CHRNA1: variants seen among roughly 807,000 people sequenced by gnomAD.
The protein encoded by CHRNA1 is cholinergic receptor nicotinic alpha 1 subunit, also known as acetylcholine receptor subunit alpha.
A neutral mutation model predicts 47.1 loss-of-function variants in CHRNA1; 35 were observed. The observed-to-expected ratio is 0.74, with a 90% CI of 0.57 to 0.99. CHRNA1 has a LOEUF of 0.99. CHRNA1 is among the 50% of genes least tolerant of loss of function. CHRNA1 has a pLI of 0.00. For missense variants in CHRNA1, 506 were observed against 591.1 expected, an observed-to-expected ratio of 0.86 and a Z score of 1.49; for synonymous variants, 229 against 223.6, an observed-to-expected ratio of 1.02 and a Z score of -0.22.
Position 174,753,721 on chromosome 2 carries a change from A to G in CHRNA1, c.560T>C (p.Leu187Pro), listed in dbSNP as rs1392950937. ...AINPESDQPDLSNFMESGEWV... is the reference protein window; with the variant it reads ...AINPESDQPDPSNFMESGEWV... Reference sequence around the variant, plus strand: ...CTCCCCGCTCTCCATGAAGTTGCTCAGGTCTGGCTGGTCGCTTTCCTGAGA... The same window carrying G: ...CTCCCCGCTCTCCATGAAGTTGCTCGGGTCTGGCTGGTCGCTTTCCTGAGA... Residue 187 changes from leucine to proline, a missense_variant, in exon 6 of 9, where the codon CTG becomes CCG. By Grantham distance (98) the Leu-to-Pro change is moderately conservative. Transcript: ENST00000348749. The G allele has an allele frequency of 6.2e-7, 1 of 1,614,054 alleles. No homozygotes were observed. Among genetic ancestry groups the G allele is most frequent in the Non-Finnish European group, 8.5e-7 (1 of 1,179,974 alleles).
At chr2:174,753,402 G>A (rs180691848) in intron 6 of CHRNA1, 101 bp downstream of exon 6, 19 of 1,161,332 alleles carry the variant, frequency 1.6e-5, no homozygotes, top group East Asian at 7.0e-5. Flanking sequence ...GGTTCGGGTC[G>A]ATCTGCCTGT....
intron 3 of CHRNA1, 81 bp from the exon 4 acceptor site, chr2:174,757,756 T>C: frequency 7.9e-7 from 1 of 1,267,486 alleles, no homozygotes; most frequent in East Asian, 2.3e-5. Flanking sequence ...CTGATGTGCA[T>C]GGGAATTCAG....
At chr2:174,756,663 C>T (rs778418286) in intron 4 of CHRNA1, among the ~76,000 whole-genome samples, 4 of 152,174 alleles carry the variant, frequency 2.6e-5, no homozygotes, top group Non-Finnish European at 4.4e-5. Context: ...CACAAATGAT[C>T]GGATAATTTG....
At chr2:174,753,813 G>A (rs1683912713) in intron 5 of CHRNA1, 73 bp from the exon 6 acceptor site, 2 of 1,392,856 alleles carry the variant, frequency 1.4e-6, no homozygotes, top group East Asian at 4.7e-5. Flanking sequence ...GTAATCAGCA[G>A]TGACAAGGCC....
chr2:174,750,321 T>C (rs1196492759), intron 6 of CHRNA1, 152 bp from the exon 7 acceptor site: 2 of 672,146 alleles, frequency 3.0e-6, no homozygotes, highest in Non-Finnish European at 2.6e-6. Context: ...TTTAAGGAGG[T>C]AATTAAATGA....
At chr2:174,758,692 C>A (rs1222087131) in intron 3 of CHRNA1, among the ~76,000 whole-genome samples, 1 of 152,224 alleles carries the variant, frequency 6.6e-6, no homozygotes, top group East Asian at 1.9e-4. Context: ...CTGGAAAGCA[C>A]AATGCTATGG....
chr2:174,748,553 G>A, intron 8 of CHRNA1, 27 bp downstream of exon 8: 1 of 1,608,106 alleles, frequency 6.2e-7, no homozygotes, highest in African/African-American at 1.3e-5. Context: ...AAACCCAGAG[G>A]CATGAATTTC....
Position 174,759,393 on chromosome 2 carries a change from G to A in CHRNA1, c.190-18C>T, listed in dbSNP as rs769989280. 73 of 1,613,764 alleles carry A rather than the reference G, an allele frequency of 4.5e-5. No homozygotes were observed. In the South Asian group the frequency reaches 7.7e-4, roughly 17 times the overall value. ...ACTTCATCCTGGAAAAAAAAATAAG[G>A]ATCATTTTTATGGGGGAGAGAGGGG... On this transcript the variant is annotated intron_variant, in intron 2 of 8. Transcript: ENST00000348749.
chr2:174,748,362 G>A, intron 8 of CHRNA1, 107 bp from the exon 9 acceptor site: 1 of 1,509,272 alleles, frequency 6.6e-7, no homozygotes, highest in Non-Finnish European at 9.1e-7. Flanking sequence ...AGATCTCAAA[G>A]TCCTCCCATC....
intron 4 of CHRNA1, 134 bp from the exon 5 acceptor site, chr2:174,754,548 CT>C: frequency 1.3e-6 from 1 of 766,818 alleles, no homozygotes; most frequent in Non-Finnish European, 2.2e-6. Flanking sequence ...GGCAGCGTCA[CT>C]TTTTATCTAT....
At position 174,758,380 on chromosome 2, in the gene CHRNA1, G is replaced by C. The variant is rs906219072; in HGVS notation, c.235-705C>G. On this transcript the variant is annotated intron_variant, in intron 3 of 8. Transcript: ENST00000348749. ...GCCGAGATCGCGCCATTGCACTCCA[G>C]CCTGGGCGACAGAGTGAGACTCTGT... Among the ~76,000 whole-genome samples, 6 of 152,156 alleles carry C rather than the reference G, an allele frequency of 3.9e-5. 1 individual carries two copies. The highest frequency in any genetic ancestry group is 1.4e-4 in the African/African-American group (6 of 41,434).
In CHRNA1 at chr2:174,747,824, A is replaced by G. The variant is rs1683760952; in HGVS notation, c.*300T>C. On this transcript the variant is annotated 3_prime_UTR_variant, in exon 9 of 9. Coordinates refer to ENST00000348749, the MANE Select transcript of CHRNA1 (RefSeq NM_000079.4). The stretch of plus-strand genomic sequence containing the variant: ...AACAGCAATGACAATGCAACAGAAA[A>G]CCTCGGTTATCCTGGCAAAAACTCT... The G allele has an allele frequency of 2.7e-5, 10 of 369,392 alleles. No individual in the cohort carries two copies. The highest frequency in any genetic ancestry group is 2.5e-4 in the South Asian group (10 of 40,588). The allele number at this position is 369,392 out of a possible 1,614,324, so 22.9% of individuals were successfully genotyped here.
chr2:174,758,317 G>A (rs1403083629), intron 3 of CHRNA1, among the ~76,000 whole-genome samples: 1 of 152,176 alleles, frequency 6.6e-6, no homozygotes, highest in Non-Finnish European at 1.5e-5. Flanking sequence ...GCTGAGGCAG[G>A]AGAATCGCTT....
At position 174,750,102 on chromosome 2, in the gene CHRNA1, C is replaced by A; in HGVS notation, c.846G>T (p.Glu282Asp). 5 of 1,613,680 alleles carry A rather than the reference C, an allele frequency of 3.1e-6. No homozygotes were observed. The highest frequency in any genetic ancestry group is 4.2e-6 in the Non-Finnish European group (5 of 1,180,000). The change falls in exon 7 of 9, where the codon GAG becomes GAT. Residue 282 changes from glutamate to aspartate, a missense_variant. Glu to Asp is a conservative substitution (Grantham distance 45). Transcript: ENST00000348749. ...SLTVFLLVIV[E>D]LIPSTSSAVP... Reference sequence around the variant, plus strand: ...CAGCACTGGACGTGGAGGGGATCAGCTCCACGATGACCAGAAGGAACACAG... The same window carrying A: ...CAGCACTGGACGTGGAGGGGATCAGATCCACGATGACCAGAAGGAACACAG...
At chr2:174,753,987 C>T (rs543359902) in intron 5 of CHRNA1, among the ~76,000 whole-genome samples, 91 of 152,234 alleles carry the variant, frequency 6.0e-4, no homozygotes, top group African/African-American at 2.1e-3. Flanking sequence ...CATATTGATG[C>T]CCTACCGCCA....
intron 6 of CHRNA1, 197 bp downstream of exon 6, chr2:174,753,306 G>T (rs1195493891): frequency 2.7e-6 from 2 of 741,130 alleles, no homozygotes; most frequent in Non-Finnish European, 5.0e-6. Flanking sequence ...GCCGCTCGGG[G>T]TGTCTGCCCC....
At position 174,753,573 on chromosome 2, in the gene CHRNA1, G is replaced by A. The variant is rs780707128; in HGVS notation, c.708C>T (p.Val236=). Residue 236 remains valine, a synonymous_variant, in exon 6 of 9, where the codon GTC becomes GTT. Coordinates refer to ENST00000348749, the MANE Select transcript of CHRNA1 (RefSeq NM_000079.4). ...AGAGCAGGCAGGGGATGATGACGTT[G>A]ACGATGAAGTAGAGGGGCAGGCGCT... ...VMQRLPLYFI[V]NVIIPCLLFS... 6.8e-6 allele frequency: 11 copies of A among 1,614,204 alleles called. No individual in the cohort carries two copies. Among genetic ancestry groups the A allele is most frequent in the Non-Finnish European group, 9.3e-6 (11 of 1,180,042 alleles).
Position 174,759,312 on chromosome 2 carries a change from A to G in CHRNA1, c.234+19T>C. ...GTGTGAATGAAAACGACACACATGC[A>G]ATTATCTGGCTAAGTTACCTGTTTC... is the stretch of plus-strand genomic sequence containing the variant. On this transcript the variant is annotated intron_variant, in intron 3 of 8. Transcript: ENST00000348749. 3 of 1,613,704 alleles carry G rather than the reference A, an allele frequency of 1.9e-6. No individual in the cohort carries two copies. Among genetic ancestry groups the G allele is most frequent in the Non-Finnish European group, 2.5e-6 (3 of 1,179,600 alleles).
rs1024702711 is a variant in CHRNA1 at position 174,748,079 on chromosome 2, C to T, written c.*45G>A. On this transcript the variant is annotated 3_prime_UTR_variant, in exon 9 of 9. Transcript: ENST00000348749. ...AATCTTCCTCTCCTGCCCTTCTCTG[C>T]TCTGGTAGGTTCCAGGGCAGAGCTA... 1.2e-6 allele frequency: 2 copies of T among 1,612,672 alleles called. No individual in the cohort carries two copies. Among genetic ancestry groups the T allele is most frequent in the African/African-American group, 1.3e-5 (1 of 74,904 alleles).
Sources: allele counts gnomAD v4.1 joint callset (sites outside exome capture counted in the v4.1 genomes callset), GRCh38; gene constraint gnomAD v4.1.1; transcripts MANE v1.5; gene names NCBI Gene and HGNC (gene_info 2026-07-23, HGNC 2026-07-21).